CCDC178: variants seen among roughly 807,000 people sequenced by gnomAD.
The protein encoded by CCDC178 is coiled-coil domain-containing protein 178.
Under a neutral mutation model 117.4 loss-of-function variants are expected in CCDC178, and 126 were observed. The observed-to-expected ratio is 1.07, with a 90% CI of 0.93 to 1.24. The LOEUF is 1.24. Among genes scored for constraint, CCDC178 ranks in the 50% most tolerant of loss-of-function variants. CCDC178 has a pLI of 0.00. For missense variants in CCDC178, 1,030 were observed against 986.9 expected, an observed-to-expected ratio of 1.04 and a Z score of -0.59; for synonymous variants, 283 against 313.4, an observed-to-expected ratio of 0.90 and a Z score of 1.02.
intron 20 of CCDC178, among the ~76,000 whole-genome samples, chr18:33,114,045 T>C (rs1260294410): frequency 6.6e-6 from 1 of 152,004 alleles, no homozygotes; most frequent in Non-Finnish European, 1.5e-5. Flanking sequence ...AAGAATAGAA[T>C]GCCCATGGAC....
chr18:33,416,660 C>T (rs746653586), intron 2 of CCDC178, among the ~76,000 whole-genome samples: 1 of 152,106 alleles, frequency 6.6e-6, no homozygotes, highest in Non-Finnish European at 1.5e-5. Context: ...ATGTGGGGAG[C>T]CTGGACTTCC....
rs148553215 is a variant in CCDC178, at chr18:33,341,668, C to T, written c.658+4543G>A. On this transcript the variant is annotated intron_variant, in intron 9 of 22. Coordinates refer to ENST00000383096, the MANE Select transcript of CCDC178 (RefSeq NM_001105528.4). ...CTGATGGGTTTATCAGGGGTTTTTC[C>T]ACTTTTACTTCTTCCTCATTTTTCT... Among the ~76,000 whole-genome samples, 478 of 152,102 alleles carry T rather than the reference C, an allele frequency of 3.1e-3. 3 individuals carry two copies. The highest frequency in any genetic ancestry group is 0.011 in the African/African-American group (454 of 41,504).
chr18:33,050,250 A>T, intron 21 of CCDC178, among the ~76,000 whole-genome samples: 1 of 152,134 alleles, frequency 6.6e-6, no homozygotes. Context: ...TCATTTTCTT[A>T]TAATGTTATA....
At chr18:33,093,158 T>G (rs1271559284) in intron 20 of CCDC178, among the ~76,000 whole-genome samples, 1 of 152,098 alleles carries the variant, frequency 6.6e-6, no homozygotes, top group Non-Finnish European at 1.5e-5. Context: ...AGAGTTAGTC[T>G]GACTTTTAAT....
At chr18:33,226,878 A>G in intron 15 of CCDC178, 23 bp from the exon 16 acceptor site, 14 of 1,378,686 alleles carry the variant, frequency 1.0e-5, no homozygotes, top group Non-Finnish European at 1.4e-5. Flanking sequence ...AAATTTTTAA[A>G]ATGAGGATTT....
intron 6 of CCDC178, among the ~76,000 whole-genome samples, chr18:33,368,310 T>C (rs921580632): frequency 2.6e-5 from 4 of 152,000 alleles, no homozygotes; most frequent in African/African-American, 9.7e-5. Flanking sequence ...GTATGCAGAA[T>C]AGAAAGGTTC....
At chr18:33,397,251 G>GGA in intron 3 of CCDC178, 43 bp from the exon 4 acceptor site, 1 of 1,355,630 alleles carries the variant, frequency 7.4e-7, no homozygotes, top group Non-Finnish European at 1.0e-6. Context: ...TCTGCTTCCT[G>GGA]AGTCAAATAT....
At chr18:33,018,759 C>T (rs1277299438) in intron 21 of CCDC178, among the ~76,000 whole-genome samples, 1 of 151,944 alleles carries the variant, frequency 6.6e-6, no homozygotes, top group Non-Finnish European at 1.5e-5. Context: ...GTCTCCACTG[C>T]TATTAAGTAT....
At chr18:33,135,393 ATCTG>A (rs1324011247) in intron 20 of CCDC178, among the ~76,000 whole-genome samples, 44 of 152,302 alleles carry the variant, frequency 2.9e-4, no homozygotes, top group African/African-American at 1.0e-3. Flanking sequence ...ATAAATTAAA[ATCTG>A]TCTGATTTTT....
At chr18:33,362,073 T>C (rs551753477) in intron 6 of CCDC178, among the ~76,000 whole-genome samples, 6 of 151,462 alleles carry the variant, frequency 4.0e-5, no homozygotes, top group African/African-American at 1.5e-4. Flanking sequence ...GATGAATAAG[T>C]GAATAAAGAA....
intron 20 of CCDC178, among the ~76,000 whole-genome samples, chr18:33,164,506 T>C (rs2058504979): frequency 6.6e-6 from 1 of 151,820 alleles, no homozygotes. Context: ...ATTTTGGAAA[T>C]GAAAACTGAG....
At chr18:33,296,142 T>A (rs1299514204) in intron 11 of CCDC178, among the ~76,000 whole-genome samples, 1 of 152,080 alleles carries the variant, frequency 6.6e-6, no homozygotes, top group Non-Finnish European at 1.5e-5. Context: ...CAACCCAGAT[T>A]GTTCTCAAAT....
chr18:33,181,351 C>CCTTTAAAAGGAAG (rs2058730723), intron 20 of CCDC178, among the ~76,000 whole-genome samples: 1 of 151,860 alleles, frequency 6.6e-6, no homozygotes, highest in Non-Finnish European at 1.5e-5. Context: ...TACTGCCATT[C>CCTTTAAAAGGAAG]TTATACTAAC....
chr18:33,019,913 A>ATATTATTATTAT (rs35536059), intron 21 of CCDC178, among the ~76,000 whole-genome samples: 1 of 137,716 alleles, frequency 7.3e-6, no homozygotes. Context: ...CTTAACTGAG[A>ATATTATTATTAT]TATTATTATT....
chr18:33,052,653 T>A (rs2056765665), intron 21 of CCDC178, among the ~76,000 whole-genome samples: 2 of 152,190 alleles, frequency 1.3e-5, no homozygotes, highest in South Asian at 4.1e-4. Flanking sequence ...ATTTGGAATT[T>A]TTGAAATGAA....
chr18:33,100,974 A>G (rs979648431), intron 20 of CCDC178, among the ~76,000 whole-genome samples: 19 of 151,972 alleles, frequency 1.3e-4, no homozygotes, highest in Admixed American at 2.6e-4. Flanking sequence ...TTCTAAATTA[A>G]AGGACATTAT....
intron 11 of CCDC178, among the ~76,000 whole-genome samples, chr18:33,315,847 C>G (rs2062406982): frequency 6.6e-6 from 1 of 152,160 alleles, no homozygotes; most frequent in Non-Finnish European, 1.5e-5. Flanking sequence ...ATCTGGCAAA[C>G]AAAGGCATTC....
chr18:33,133,767 T>C (rs891591530), intron 20 of CCDC178, among the ~76,000 whole-genome samples: 5 of 152,032 alleles, frequency 3.3e-5, no homozygotes, highest in Admixed American at 2.0e-4. Flanking sequence ...GTTTTCAAAG[T>C]AGTGATTGCA....
intron 22 of CCDC178, chr18:32,954,517 G>T (rs1219993155): frequency 2.0e-5 from 3 of 152,282 alleles, no homozygotes; most frequent in East Asian, 3.9e-4. Flanking sequence ...GTTCCAGTCT[G>T]TCTGGGGAAA....
Sources: gnomAD v4.1 joint callset for allele counts (sites outside exome capture counted in the v4.1 genomes callset) on GRCh38, gnomAD v4.1.1 for gene constraint, MANE v1.5 for transcripts, NCBI Gene and HGNC (gene_info 2026-07-23, HGNC 2026-07-21) for gene names.